The following LPIN2 variants were observed in gnomAD, a reference collection of about 807,000 sequenced individuals.
LPIN2 encodes lipin 2, also known as phosphatidate phosphatase LPIN2.
Under a neutral mutation model 111.4 loss-of-function variants are expected in LPIN2, and 55 were observed. That is an observed-to-expected ratio of 0.49 (90% confidence interval 0.40 to 0.62). LPIN2 has a LOEUF of 0.62. Among genes scored for constraint, LPIN2 ranks in the 20% least tolerant of loss-of-function variants. The probability of loss-of-function intolerance (pLI) is 0.00; values close to 1 mark genes in which losing one functional copy is unlikely to be tolerated. For synonymous variants in LPIN2, 425 were observed against 414.0 expected (o/e 1.03, Z -0.32); for missense variants, 992 against 1,112.1 (o/e 0.89, Z 1.54).
intron 1 of LPIN2, among the ~76,000 whole-genome samples, chr18:2,973,432 A>G (rs947148045): frequency 1.3e-5 from 2 of 152,190 alleles, no homozygotes; most frequent in Admixed American, 1.3e-4. Flanking sequence ...ATATAAATAG[A>G]ACCATACAGT....
Position 2,918,582 on chromosome 18 carries a change from T to C in LPIN2, c.*1711A>G, listed in dbSNP as rs2077003961. ...CATTAAACAATTAGTCCTTATCAAC[T>C]ATTTAAGCTGGGGGAAGCTTTGCAT... On this transcript the variant is annotated 3_prime_UTR_variant, in exon 20 of 20. Transcript: ENST00000677752. 6.6e-6 allele frequency: 1 copy of C among 152,220 alleles called. No homozygotes were observed. Among genetic ancestry groups the C allele is most frequent in the South Asian group, 2.1e-4 (1 of 4,836 alleles). The allele number at this position is 152,220 out of a possible 1,614,324, so 9.4% of individuals were successfully genotyped here. A position where few individuals can be genotyped will look rare whatever the true frequency, so the allele number is the denominator to read the frequency against.
At chr18:2,955,046 C>T (rs534401034) in intron 2 of LPIN2, among the ~76,000 whole-genome samples, 13 of 152,136 alleles carry the variant, frequency 8.5e-5, no homozygotes, top group African/African-American at 2.4e-4. Context: ...CAGATCACTA[C>T]GTAAGTAACA....
In LPIN2 at chr18:3,008,879, G is replaced by GTTTT. The variant is rs76748358; in HGVS notation, c.-10+4204_-10+4207dup. Reference sequence around the variant, plus strand: ...CAGGTGCCCGCACTACCACAGCTGTGTTTTTTTTTTTTTTTTTTTGGAGAG... The same window carrying GTTTT: ...CAGGTGCCCGCACTACCACAGCTGTGTTTTTTTTTTTTTTTTTTTTTTTGGAGAG... On this transcript the variant is annotated intron_variant, in intron 1 of 19. Coordinates refer to ENST00000677752, the MANE Select transcript of LPIN2 (RefSeq NM_001375808.2). Among the ~76,000 whole-genome samples, 683 of 123,268 alleles carry GTTTT rather than the reference G, an allele frequency of 5.5e-3. 15 individuals carry two copies. The highest frequency in any genetic ancestry group is 0.021 in the African/African-American group (656 of 30,974). The allele number at this position is 123,268 out of a possible 152,430, so 80.9% of individuals were successfully genotyped here. A position where few individuals can be genotyped will look rare whatever the true frequency, so the allele number is the denominator to read the frequency against.
chr18:2,990,082 T>C (rs1201411456), intron 1 of LPIN2, among the ~76,000 whole-genome samples: 1 of 152,118 alleles, frequency 6.6e-6, no homozygotes, highest in Non-Finnish European at 1.5e-5. Flanking sequence ...GCGGAAGGAA[T>C]AGTCTCAACG....
intron 2 of LPIN2, among the ~76,000 whole-genome samples, chr18:2,958,219 T>C (rs1173175288): frequency 1.3e-5 from 2 of 149,260 alleles, no homozygotes; most frequent in East Asian, 2.0e-4. Context: ...AGTAATCAGC[T>C]TTTTCTGATA....
At chr18:2,977,889 CAG>C (rs1424719006) in intron 1 of LPIN2, among the ~76,000 whole-genome samples, 2 of 151,994 alleles carry the variant, frequency 1.3e-5, no homozygotes, top group Non-Finnish European at 2.9e-5. Context: ...ATGTTAAAAA[CAG>C]AAGACAAAGT....
chr18:2,955,416 T>C (rs2077595245), intron 2 of LPIN2, among the ~76,000 whole-genome samples: 1 of 151,120 alleles, frequency 6.6e-6, no homozygotes, highest in South Asian at 2.1e-4. Context: ...CCACACACTT[T>C]TAAAACAATT....
chr18:2,924,466 T>C lies in LPIN2; in HGVS notation c.2019A>G (p.Ala673=). ...TTQYQGTCRC[A]GTIYLWNWND... is the part of the protein sequence containing the mutation. ...TCCAGTTCCACAGGTAAATGGTCCCTGCACAGCGACAGGTGCCTTGATACT... is the reference window on the plus strand; with the variant it reads ...TCCAGTTCCACAGGTAAATGGTCCCCGCACAGCGACAGGTGCCTTGATACT... The change falls in exon 15 of 20, where the codon GCA becomes GCG. Residue 673 remains alanine, a synonymous_variant. Coordinates refer to ENST00000677752, the MANE Select transcript of LPIN2 (RefSeq NM_001375808.2). 1 of 1,614,218 alleles carries C rather than the reference T, an allele frequency of 6.2e-7. No homozygotes were observed. The highest frequency in any genetic ancestry group is 8.5e-7 in the Non-Finnish European group (1 of 1,180,024).
chr18:2,985,374 T>C (rs959268778), intron 1 of LPIN2: 1 of 152,222 alleles, frequency 6.6e-6, no homozygotes, highest in African/African-American at 2.4e-5. Context: ...ACTTTTTCTC[T>C]ACAGGCTAAA....
At chr18:2,956,725 C>G (rs1288806953) in intron 2 of LPIN2, among the ~76,000 whole-genome samples, 1 of 152,206 alleles carries the variant, frequency 6.6e-6, no homozygotes, top group Non-Finnish European at 1.5e-5. Context: ...AATTCAGACT[C>G]TAAACTATTC....
In LPIN2 at chr18:2,948,007, T is replaced by C. The variant is rs184512348; in HGVS notation, c.590+3048A>G. On this transcript the variant is annotated intron_variant, in intron 4 of 19. Coordinates refer to ENST00000677752, the MANE Select transcript of LPIN2 (RefSeq NM_001375808.2). ...CGATGAAGAGGCTACTGTTCTACAA[T>C]CTATAATGGGCCCAGTCTGTCTACC... is the stretch of plus-strand genomic sequence containing the variant. Among the ~76,000 whole-genome samples the C allele has an allele frequency of 1.2e-3, 182 of 152,326 alleles. 1 individual carries two copies. The highest frequency in any genetic ancestry group is 7.7e-3 in the South Asian group (37 of 4,830).
intron 12 of LPIN2, 76 bp downstream of exon 12, chr18:2,927,646 G>A (rs1417113284): frequency 3.9e-6 from 6 of 1,525,682 alleles, no homozygotes; most frequent in East Asian, 2.3e-5. Context: ...TCCTGTGCCT[G>A]ACAAAAAGGT....
chr18:2,920,749 G>C (rs763875910), intron 19 of LPIN2, 29 bp downstream of exon 19: 1 of 1,556,572 alleles, frequency 6.4e-7, no homozygotes, highest in Admixed American at 1.7e-5. Flanking sequence ...GCTGCAGGGC[G>C]CCGGGCTGAG....
At chr18:2,921,447 T>A (rs2077052413) in intron 18 of LPIN2, 86 bp downstream of exon 18, 1 of 1,010,032 alleles carries the variant, frequency 9.9e-7, no homozygotes, top group African/African-American at 1.6e-5. Context: ...AAAACTGCTT[T>A]GAGAATTGGG....
At chr18:2,942,847 G>A (rs895338521) in intron 4 of LPIN2, among the ~76,000 whole-genome samples, 5 of 152,214 alleles carry the variant, frequency 3.3e-5, no homozygotes, top group Admixed American at 6.5e-5. Flanking sequence ...AACTAAGCAC[G>A]TGACGTGAGG....
At chr18:2,924,086 G>C (rs2077095816) in intron 15 of LPIN2, among the ~76,000 whole-genome samples, 1 of 152,178 alleles carries the variant, frequency 6.6e-6, no homozygotes, top group East Asian at 1.9e-4. Flanking sequence ...GTGTTCGGAG[G>C]TAACTGACTG....
At chr18:2,949,975 C>T (rs1220344063) in intron 4 of LPIN2, among the ~76,000 whole-genome samples, 1 of 152,012 alleles carries the variant, frequency 6.6e-6, no homozygotes, top group Non-Finnish European at 1.5e-5. Context: ...GGGGTAAGCA[C>T]ATACAGTCCT....
intron 1 of LPIN2, among the ~76,000 whole-genome samples, chr18:3,002,768 A>G (rs1049205749): frequency 6.6e-5 from 10 of 152,254 alleles, no homozygotes; most frequent in Non-Finnish European, 1.0e-4. Context: ...CATTAAAAAT[A>G]TAAGCCCAGA....
chr18:2,987,468 G>A lies in LPIN2; in HGVS notation c.-10+25619C>T, dbSNP rs566112070. ...AGTGAAAATTATCACAAAATGTATCGGCATCATGTAGGAACCCCTCATCCT... is the reference window on the plus strand; with the variant it reads ...AGTGAAAATTATCACAAAATGTATCAGCATCATGTAGGAACCCCTCATCCT... On this transcript the variant is annotated intron_variant, in intron 1 of 19. Coordinates refer to ENST00000677752, the MANE Select transcript of LPIN2 (RefSeq NM_001375808.2). 3.0e-4 allele frequency among the ~76,000 whole-genome samples: 46 copies of A among 152,126 alleles called. No individual in the cohort carries two copies. The South Asian group carries it at 8.7e-3, about 29-fold the overall frequency.
Sources: allele counts gnomAD v4.1 joint callset (sites outside exome capture counted in the v4.1 genomes callset), GRCh38; gene constraint gnomAD v4.1.1; transcripts MANE v1.5; gene names NCBI Gene and HGNC (gene_info 2026-07-23, HGNC 2026-07-21).